The following ADGRV1 variants were observed in gnomAD, a reference collection of about 807,000 sequenced individuals.
ADGRV1 encodes the protein G-protein coupled receptor 98.
ADGRV1 carries 359 observed loss-of-function variants against 596.2 expected under a neutral mutation model. The ratio of observed to expected loss-of-function variants is 0.60; its 90% confidence interval spans 0.55 to 0.66. The LOEUF is 0.66. Among genes scored for constraint, ADGRV1 ranks in the 30% least tolerant of loss-of-function variants. The pLI, the probability that ADGRV1 is intolerant of heterozygous loss-of-function variation, is 0.00. For synonymous variants in ADGRV1, 2,681 were observed against 2,679.2 expected, an observed-to-expected ratio of 1.00 and a Z score of -0.02; for missense variants, 7,274 against 7,575.6, an observed-to-expected ratio of 0.96 and a Z score of 1.48.
rs755554916 is a variant in ADGRV1 at position 90,627,356 on chromosome 5, C to T, written c.818C>T (p.Pro273Leu). The T allele has an allele frequency of 1.9e-6, 3 of 1,613,850 alleles. No homozygotes were observed. In the South Asian group the frequency reaches 3.3e-5, roughly 18 times the overall value. The change falls in exon 7 of 90, where the codon CCT becomes CTT. Residue 273 changes from proline (P) to leucine (L), a missense_variant. By Grantham distance (98) the Pro-to-Leu change is moderately conservative. Transcript: ENST00000405460. ...TTCCTTCAGAGTATTTATTTGGTTC[C>T]TGAGGAAGACCACATACTCATAATT... ...VRFLQSIYLV[P>L]EEDHILIIPV...
At chr5:90,783,050 G>A in intron 65 of ADGRV1, 74 bp from the exon 66 acceptor site, 12 of 1,197,198 alleles carry the variant, frequency 1.0e-5, no homozygotes, top group Non-Finnish European at 1.5e-5. Context: ...TTAATTGCCA[G>A]GTTTAATTTG....
chr5:90,966,530 CAAAA>C (rs67304974), intron 84 of ADGRV1, among the ~76,000 whole-genome samples: 4 of 100,714 alleles, frequency 4.0e-5, no homozygotes, highest in East Asian at 2.8e-4. Flanking sequence ...GAAACTCTGC[CAAAA>C]AAAAAAAAAA....
intron 1 of ADGRV1, among the ~76,000 whole-genome samples, chr5:90,594,900 G>C (rs1174461711): frequency 6.7e-6 from 1 of 149,048 alleles, no homozygotes. Context: ...ACACAGACAC[G>C]GCAACCATCC....
intron 85 of ADGRV1, among the ~76,000 whole-genome samples, chr5:91,028,452 A>G (rs1784197045): frequency 1.3e-5 from 2 of 152,124 alleles, no homozygotes; most frequent in African/African-American, 2.4e-5. Context: ...TGATATCCTT[A>G]AAGTTGGTCT....
intron 85 of ADGRV1, among the ~76,000 whole-genome samples, chr5:91,013,018 TC>T (rs1782851059): frequency 6.6e-6 from 1 of 152,114 alleles, no homozygotes; most frequent in Non-Finnish European, 1.5e-5. Flanking sequence ...GATGATAGCT[TC>T]CAGCTCCATC....
chr5:90,582,201 A>G (rs1372658265), intron 1 of ADGRV1, among the ~76,000 whole-genome samples: 2 of 149,280 alleles, frequency 1.3e-5, no homozygotes, highest in Non-Finnish European at 3.0e-5. Flanking sequence ...GATGTATATT[A>G]GGTCTAATTG....
chr5:90,566,012 G>GT (rs1199258496), intron 1 of ADGRV1, among the ~76,000 whole-genome samples: 2 of 151,970 alleles, frequency 1.3e-5, no homozygotes, highest in African/African-American at 4.8e-5. Flanking sequence ...ATAGGATTTT[G>GT]TTTTTGTTTT....
At chr5:90,877,006 T>A (rs1769277676) in intron 83 of ADGRV1, among the ~76,000 whole-genome samples, 1 of 152,180 alleles carries the variant, frequency 6.6e-6, no homozygotes, top group Non-Finnish European at 1.5e-5. Flanking sequence ...TAGAATGGTG[T>A]AAGCATATAA....
In ADGRV1 at chr5:90,646,091, G is replaced by C. The variant is rs1444030134; in HGVS notation, c.3022G>C (p.Glu1008Gln). The part of the protein sequence containing the change: ...RRNDDPIYFA[E>Q]PRVVRVQEGE... ...AAATGATGACCCCATTTATTTTGCA[G>C]GTGGTATTGCTGTCTTATTTGAATG... Residue 1008 changes from glutamate (E) to glutamine (Q), a missense_variant and splice_region_variant, in exon 16 of 90, where the codon GAA becomes CAA. Coordinates refer to ENST00000405460, the MANE Select transcript of ADGRV1 (RefSeq NM_032119.4). 1 of 1,554,212 alleles carries C rather than the reference G, an allele frequency of 6.4e-7. No individual in the cohort carries two copies. The highest frequency in any genetic ancestry group is 8.7e-7 in the Non-Finnish European group (1 of 1,149,130).
At chr5:90,715,586 T>G (rs1208076684) in intron 42 of ADGRV1, among the ~76,000 whole-genome samples, 1 of 152,188 alleles carries the variant, frequency 6.6e-6, no homozygotes. Flanking sequence ...TTTCTTCATA[T>G]AGGTTTTATA....
chr5:90,754,595 A>G (rs1196466929), intron 54 of ADGRV1, among the ~76,000 whole-genome samples: 1 of 152,190 alleles, frequency 6.6e-6, no homozygotes, highest in Non-Finnish European at 1.5e-5. Flanking sequence ...GACTTTGTAT[A>G]TATAATTTTT....
intron 85 of ADGRV1, among the ~76,000 whole-genome samples, chr5:91,012,182 T>TA (rs1448179425): frequency 2.0e-5 from 3 of 151,966 alleles, no homozygotes; most frequent in Admixed American, 2.0e-4. Context: ...GTTTCCTACT[T>TA]ACTTCTAAAC....
intron 67 of ADGRV1, among the ~76,000 whole-genome samples, chr5:90,787,556 A>G (rs2443062): frequency 0.076 from 11,356 of 149,816 alleles, 1,414 homozygotes; most frequent in African/African-American, 0.26. Context: ...TATGTAGTTT[A>G]TAGTTGCAAA....
intron 42 of ADGRV1, among the ~76,000 whole-genome samples, chr5:90,714,384 T>C (rs1238491008): frequency 6.6e-6 from 1 of 151,956 alleles, no homozygotes; most frequent in African/African-American, 2.4e-5. Flanking sequence ...TTCAACACTT[T>C]GCCTCTTAAA....
chr5:90,570,421 C>G (rs952400487), intron 1 of ADGRV1, among the ~76,000 whole-genome samples: 1 of 151,994 alleles, frequency 6.6e-6, no homozygotes, highest in African/African-American at 2.4e-5. Flanking sequence ...GTTTATTTTA[C>G]TTAGAGTTTA....
chr5:90,672,513 A>G (rs752243813), intron 21 of ADGRV1, 33 bp from the exon 22 acceptor site: 4 of 1,558,658 alleles, frequency 2.6e-6, no homozygotes, highest in African/African-American at 2.7e-5. Context: ...TTGAATTGCT[A>G]TGCACCTATT....
Position 90,725,217 on chromosome 5 carries a change from A to G in ADGRV1, c.10038A>G (p.Gly3346=), listed in dbSNP as rs768326016. The change falls in exon 47 of 90, where the codon GGA becomes GGG. Residue 3346 remains glycine (G), a synonymous_variant. Transcript: ENST00000405460. ...SLNSVFTFTS[G]FKLFLVQTII... is the part of the protein sequence containing the mutation. ...ACAGTGTGTTTACATTCACATCTGG[A>G]TTTAAATTATTCCTGGTAAAAACAT... 4.1e-6 allele frequency: 6 copies of G among 1,461,468 alleles called. No homozygotes were observed. In the African/African-American group the frequency reaches 8.7e-5, roughly 21 times the overall value. The allele number at this position is 1,461,468 out of a possible 1,614,324, so 90.5% of individuals were successfully genotyped here. A position where few individuals can be genotyped will look rare whatever the true frequency, so the allele number is the denominator to read the frequency against.
intron 1 of ADGRV1, among the ~76,000 whole-genome samples, chr5:90,568,369 A>T (rs939380667): frequency 1.7e-4 from 25 of 151,368 alleles, no homozygotes; most frequent in African/African-American, 6.1e-4. Context: ...CTCTTTTTTG[A>T]TCCTTTGGTC....
intron 58 of ADGRV1, among the ~76,000 whole-genome samples, chr5:90,761,530 A>G (rs1756514105): frequency 6.6e-6 from 1 of 152,234 alleles, no homozygotes; most frequent in Non-Finnish European, 1.5e-5. Context: ...GGCACTGGAC[A>G]GTGTGTTTAT....
Sources: allele counts gnomAD v4.1 joint callset (sites outside exome capture counted in the v4.1 genomes callset), GRCh38; gene constraint gnomAD v4.1.1; transcripts MANE v1.5; gene names NCBI Gene and HGNC (gene_info 2026-07-23, HGNC 2026-07-21).